The following DYNC1I1 variants were observed in gnomAD, a reference collection of about 807,000 sequenced individuals.
DYNC1I1 encodes the protein cytoplasmic dynein 1 intermediate chain 1.
A neutral mutation model predicts 86.6 loss-of-function variants in DYNC1I1; 43 were observed. The observed-to-expected ratio is 0.50, with a 90% CI of 0.39 to 0.64. The LOEUF (loss-of-function observed/expected upper bound fraction) is 0.64. Ranked by LOEUF, DYNC1I1 falls within the 30% of genes least tolerant of loss-of-function variation. DYNC1I1 has a pLI of 0.00. For synonymous variants in DYNC1I1, 262 were observed against 283.7 expected, an observed-to-expected ratio of 0.92 and a Z score of 0.77; for missense variants, 604 against 788.8, an observed-to-expected ratio of 0.77 and a Z score of 2.81.
chr7:96,063,968 G>T (rs1281894970), intron 14 of DYNC1I1, among the ~76,000 whole-genome samples: 2 of 152,212 alleles, frequency 1.3e-5, no homozygotes, highest in Non-Finnish European at 2.9e-5. Flanking sequence ...TGGATGTCGA[G>T]GGAAAGCAGC....
chr7:95,849,955 G>C (rs1368918022), intron 5 of DYNC1I1, among the ~76,000 whole-genome samples: 1 of 151,966 alleles, frequency 6.6e-6, no homozygotes, highest in South Asian at 2.1e-4. Context: ...TTATTCCTAA[G>C]TGCTGTGTTA....
intron 14 of DYNC1I1, among the ~76,000 whole-genome samples, chr7:96,070,617 G>A (rs1031061978): frequency 2.0e-5 from 3 of 151,630 alleles, no homozygotes; most frequent in Admixed American, 1.3e-4. Flanking sequence ...TTTTCCCACC[G>A]ACCCACATGG....
intron 9 of DYNC1I1, among the ~76,000 whole-genome samples, chr7:95,993,818 A>G (rs775684781): frequency 6.6e-5 from 10 of 152,260 alleles, no homozygotes; most frequent in Non-Finnish European, 1.2e-4. Context: ...GCAATCTTCC[A>G]TTAAATATAT....
At chr7:95,782,174 AT>A (rs1460213143) in intron 1 of DYNC1I1, among the ~76,000 whole-genome samples, 1 of 152,156 alleles carries the variant, frequency 6.6e-6, no homozygotes, top group Non-Finnish European at 1.5e-5. Flanking sequence ...ACCTCTACTC[AT>A]GTTTCATGAG....
At chr7:95,916,765 A>G (rs1349185356) in intron 6 of DYNC1I1, among the ~76,000 whole-genome samples, 1 of 152,172 alleles carries the variant, frequency 6.6e-6, no homozygotes, top group Non-Finnish European at 1.5e-5. Context: ...AAAAATGGCC[A>G]GTAGAGGGCG....
chr7:95,776,346 A>C (rs538719540), intron 1 of DYNC1I1, among the ~76,000 whole-genome samples: 1 of 152,254 alleles, frequency 6.6e-6, no homozygotes, highest in African/African-American at 2.4e-5. Context: ...GCTAATCCTC[A>C]TGAGCTCACA....
chr7:96,077,440 G>A (rs1487624419), intron 15 of DYNC1I1, among the ~76,000 whole-genome samples: 1 of 152,060 alleles, frequency 6.6e-6, no homozygotes, highest in Non-Finnish European at 1.5e-5. Flanking sequence ...GAATGAGTTA[G>A]GTAATGAAGC....
chr7:96,068,395 G>A (rs1008408052), intron 14 of DYNC1I1, among the ~76,000 whole-genome samples: 1 of 152,114 alleles, frequency 6.6e-6, no homozygotes. Context: ...TAAATATAAT[G>A]TAAAATACAT....
intron 6 of DYNC1I1, among the ~76,000 whole-genome samples, chr7:95,941,612 C>T (rs897835091): frequency 6.6e-6 from 1 of 152,230 alleles, no homozygotes; most frequent in Non-Finnish European, 1.5e-5. Context: ...GAGCCAGGTG[C>T]AGGATATAAT....
intron 5 of DYNC1I1, 52 bp from the exon 6 acceptor site, chr7:95,869,831 T>A: frequency 1.3e-6 from 2 of 1,533,582 alleles, no homozygotes; most frequent in East Asian, 4.5e-5. Flanking sequence ...CTGATAGCTC[T>A]TCTGCAAGGA....
intron 10 of DYNC1I1, among the ~76,000 whole-genome samples, chr7:96,007,201 T>C (rs1248396247): frequency 6.6e-6 from 1 of 152,204 alleles, no homozygotes; most frequent in African/African-American, 2.4e-5. Flanking sequence ...ACAGGAATAA[T>C]GGCAAAATAA....
At chr7:95,869,430 C>T (rs1790101655) in intron 5 of DYNC1I1, among the ~76,000 whole-genome samples, 1 of 152,018 alleles carries the variant, frequency 6.6e-6, no homozygotes, top group Non-Finnish European at 1.5e-5. Flanking sequence ...ATAATCCCCT[C>T]ACTGCTATGA....
chr7:95,967,892 A>G (rs1197434397), intron 6 of DYNC1I1, among the ~76,000 whole-genome samples: 1 of 152,152 alleles, frequency 6.6e-6, no homozygotes, highest in Non-Finnish European at 1.5e-5. Flanking sequence ...AGACTGGAGT[A>G]TGCATGTGTG....
chr7:95,902,908 T>C (rs186143226), intron 6 of DYNC1I1, among the ~76,000 whole-genome samples: 3 of 152,324 alleles, frequency 2.0e-5, no homozygotes, highest in Non-Finnish European at 4.4e-5. Flanking sequence ...TTTACCCCCA[T>C]CTTATTCCAT....
chr7:95,812,810 G>A (rs1794858964), intron 3 of DYNC1I1, among the ~76,000 whole-genome samples: 1 of 152,030 alleles, frequency 6.6e-6, no homozygotes, highest in Non-Finnish European at 1.5e-5. Flanking sequence ...AAATTATTCA[G>A]AATCACTTAT....
chr7:95,974,111 CTG>C (rs141976134), intron 6 of DYNC1I1, among the ~76,000 whole-genome samples: 1 of 152,326 alleles, frequency 6.6e-6, no homozygotes, highest in East Asian at 1.9e-4. Context: ...CCTTTTCACT[CTG>C]TTTTAAATTG....
At chr7:95,848,555 T>A (rs1321679212) in intron 5 of DYNC1I1, among the ~76,000 whole-genome samples, 1 of 152,152 alleles carries the variant, frequency 6.6e-6, no homozygotes, top group East Asian at 1.9e-4. Flanking sequence ...TCGTTGCAAA[T>A]GACAGGATTG....
chr7:96,100,944 A>G (rs767832627), downstream of DYNC1I1, among the ~76,000 whole-genome samples: 3 of 152,190 alleles, frequency 2.0e-5, no homozygotes, highest in Non-Finnish European at 4.4e-5. Flanking sequence ...GCCATTTGCA[A>G]TGAGCTGGTG....
chr7:96,042,823 C>A (rs536061466), intron 14 of DYNC1I1, among the ~76,000 whole-genome samples: 18 of 152,108 alleles, frequency 1.2e-4, no homozygotes, highest in African/African-American at 4.1e-4. Context: ...GTTACTAAAT[C>A]ATTGATGAGG....
Sources: allele counts gnomAD v4.1 joint callset (sites outside exome capture counted in the v4.1 genomes callset), GRCh38; gene constraint gnomAD v4.1.1; transcripts MANE v1.5; gene names NCBI Gene and HGNC (gene_info 2026-07-23, HGNC 2026-07-21).